MGMT: variants seen among roughly 807,000 people sequenced by gnomAD.
MGMT encodes methylated-DNA--protein-cysteine methyltransferase.
In MGMT, 14 loss-of-function variants were observed where a neutral mutation model predicts 15.9. The ratio of observed to expected loss-of-function variants is 0.88; its 90% confidence interval spans 0.58 to 1.37. The LOEUF is 1.37. Ranked by LOEUF, MGMT falls within the 40% of genes most tolerant of loss-of-function variation. The probability of loss-of-function intolerance (pLI) is 0.00; values close to 1 mark genes in which losing one functional copy is unlikely to be tolerated. For missense variants in MGMT, 282 were observed against 268.1 expected, an observed-to-expected ratio of 1.05 and a Z score of -0.36; for synonymous variants, 130 against 118.2, an observed-to-expected ratio of 1.10 and a Z score of -0.65.
intron 1 of MGMT, among the ~76,000 whole-genome samples, chr10:129,482,318 G>T (rs1845367064): frequency 6.6e-6 from 1 of 152,158 alleles, no homozygotes; most frequent in Admixed American, 6.5e-5. Flanking sequence ...TAGATTTGTT[G>T]AGAGTTGTTT....
intron 2 of MGMT, chr10:129,694,231 AG>A (rs1179411735): frequency 2.0e-5 from 3 of 152,264 alleles, no homozygotes; most frequent in Non-Finnish European, 4.4e-5. Flanking sequence ...GGTGAAATCA[AG>A]GCATAGGGCT....
intron 2 of MGMT, among the ~76,000 whole-genome samples, chr10:129,692,864 C>A (rs561882330): frequency 9.8e-4 from 150 of 152,338 alleles, no homozygotes; most frequent in African/African-American, 3.5e-3. Context: ...GAGCTGCCAC[C>A]CTCAGCTGCA....
rs780727772 is a variant in MGMT, at chr10:129,566,307, A to C, written c.125+29930A>C. On this transcript the variant is annotated intron_variant, in intron 2 of 4. Coordinates refer to ENST00000651593, the MANE Select transcript of MGMT (RefSeq NM_002412.5). The surrounding 1 kb of genome is among the most constrained non-coding windows in gnomAD (Gnocchi z 4.1). ...TGGGCAGAGGTGAGGCAGAGCTCTG[A>C]CTGTTTCATTCGACTACGTTGCCAA... Among the ~76,000 whole-genome samples the C allele has an allele frequency of 2.7e-4, 41 of 152,148 alleles. No individual in the cohort carries two copies. Among genetic ancestry groups the C allele is most frequent in the Non-Finnish European group, 4.4e-4 (30 of 68,024 alleles).
At chr10:129,688,039 A>G (rs1482837674) in intron 2 of MGMT, among the ~76,000 whole-genome samples, 6 of 152,148 alleles carry the variant, frequency 3.9e-5, no homozygotes. Flanking sequence ...ATCATTTTTT[A>G]TGGCTGCATA....
Position 129,703,822 on chromosome 10 carries a change from A to G in MGMT, c.126-4073A>G, listed in dbSNP as rs2133137848. 3.3e-5 allele frequency among the ~76,000 whole-genome samples: 5 copies of G among 152,236 alleles called. No homozygotes were observed. In the Middle Eastern group the frequency reaches 0.017, roughly 518 times the overall value. ...TCCTGTCCCATCCCTCGAACCCTGA[A>G]GGAGATGTCAGCTGAGCTCTTGCTG... On this transcript the variant is annotated intron_variant, in intron 2 of 4. Coordinates refer to ENST00000651593, the MANE Select transcript of MGMT (RefSeq NM_002412.5).
intron 1 of MGMT, among the ~76,000 whole-genome samples, chr10:129,515,613 G>T (rs1589844495): frequency 6.6e-6 from 1 of 152,346 alleles, no homozygotes; most frequent in East Asian, 1.9e-4. Flanking sequence ...GGCAGTTTCT[G>T]CCTGCAGATT....
At chr10:129,679,429 G>A (rs12255679) in intron 2 of MGMT, among the ~76,000 whole-genome samples, 22,885 of 152,024 alleles carry the variant, frequency 0.15, 1,833 homozygotes, top group East Asian at 0.28. Context: ...ACCAAAGAGC[G>A]TTTTTTTCAC....
chr10:129,739,349 G>C (rs965767424), intron 3 of MGMT, among the ~76,000 whole-genome samples: 2 of 152,216 alleles, frequency 1.3e-5, no homozygotes, highest in Admixed American at 6.5e-5. Context: ...ATTAGGAAAA[G>C]AGGAAGTCAG....
chr10:129,658,134 T>C (rs535793428), intron 2 of MGMT, among the ~76,000 whole-genome samples: 1 of 152,068 alleles, frequency 6.6e-6, no homozygotes, highest in Non-Finnish European at 1.5e-5. Flanking sequence ...TGGAGTTTTT[T>C]CCCCCTTCTA....
At chr10:129,523,787 G>T (rs10829600) in intron 1 of MGMT, among the ~76,000 whole-genome samples, 1 of 152,010 alleles carries the variant, frequency 6.6e-6, no homozygotes, top group Admixed American at 6.5e-5. Context: ...AGCAGAGGGT[G>T]CCATGGTATT....
At position 129,513,755 on chromosome 10, in the gene MGMT, C is replaced by T. The variant is rs373531338; in HGVS notation, c.-12-22486C>T. Among the ~76,000 whole-genome samples the T allele has an allele frequency of 3.3e-3, 500 of 152,316 alleles. 1 individual carries two copies. Among genetic ancestry groups the T allele is most frequent in the African/African-American group, 0.011 (475 of 41,564 alleles). On this transcript the variant is annotated intron_variant, in intron 1 of 4. Coordinates refer to ENST00000651593, the MANE Select transcript of MGMT (RefSeq NM_002412.5). ...ATGATGCAGTGAGTTTTATCACACTCTTGCTGTGACCTTCATGAGGATGTT... is the reference window on the plus strand; with the variant it reads ...ATGATGCAGTGAGTTTTATCACACTTTTGCTGTGACCTTCATGAGGATGTT...
At chr10:129,574,523 A>G (rs966257519) in intron 2 of MGMT, among the ~76,000 whole-genome samples, 2 of 152,232 alleles carry the variant, frequency 1.3e-5, no homozygotes, top group Non-Finnish European at 2.9e-5. Flanking sequence ...ATCTTTAAAT[A>G]TAGGTACATA....
At chr10:129,471,814 A>G (rs1845234589) in intron 1 of MGMT, among the ~76,000 whole-genome samples, 1 of 152,168 alleles carries the variant, frequency 6.6e-6, no homozygotes, top group Non-Finnish European at 1.5e-5. Flanking sequence ...CAGCCCAGGC[A>G]AGATCCGAGT....
At chr10:129,651,266 C>T (rs1490988187) in intron 2 of MGMT, among the ~76,000 whole-genome samples, 1 of 152,148 alleles carries the variant, frequency 6.6e-6, no homozygotes, top group Non-Finnish European at 1.5e-5. Flanking sequence ...TTCTCCAGTA[C>T]CTGCAGCACC....
At chr10:129,524,224 C>T (rs1458516887) in intron 1 of MGMT, among the ~76,000 whole-genome samples, 4 of 152,216 alleles carry the variant, frequency 2.6e-5, no homozygotes, top group Non-Finnish European at 5.9e-5. Context: ...CCCTCAAGGA[C>T]GATTGGCATC....
intron 3 of MGMT, among the ~76,000 whole-genome samples, chr10:129,710,258 C>G (rs1029104213): frequency 6.6e-6 from 1 of 152,236 alleles, no homozygotes; most frequent in African/African-American, 2.4e-5. Context: ...CTTGGAAAGC[C>G]CTACAGTGCG....
At chr10:129,629,032 C>T (rs1358638739) in intron 2 of MGMT, among the ~76,000 whole-genome samples, 1 of 152,240 alleles carries the variant, frequency 6.6e-6, no homozygotes, top group Admixed American at 6.5e-5. Context: ...TCCTGCAGCA[C>T]ACAGCACACG....
chr10:129,634,064 GC>G (rs1006121895), intron 2 of MGMT, among the ~76,000 whole-genome samples: 5 of 152,060 alleles, frequency 3.3e-5, no homozygotes, highest in African/African-American at 1.2e-4. Flanking sequence ...GTTTTTTAGT[GC>G]CCAAAATGTC....
Position 129,766,972 on chromosome 10 carries a change from G to T in MGMT, c.599G>T (p.Gly200Val). 6.2e-7 allele frequency: 1 copy of T among 1,606,010 alleles called. No individual in the cohort carries two copies. The highest frequency in any genetic ancestry group is 8.5e-7 in the Non-Finnish European group (1 of 1,176,002). ...CTCAAGGGAGCGGGAGCTACCTCGG[G>T]CTCCCCGCCTGCTGGCCGAAACTGA... ...AWLKGAGATS[G>V]SPPAGRN is the part of the protein sequence containing the mutation. The change falls in exon 5 of 5, where the codon GGC becomes GTC. Residue 200 changes from glycine to valine, a missense_variant. Gly to Val is a moderately radical substitution (Grantham distance 109, BLOSUM62 -3). Coordinates refer to ENST00000651593, the MANE Select transcript of MGMT (RefSeq NM_002412.5).
Sources: allele counts gnomAD v4.1 joint callset (sites outside exome capture counted in the v4.1 genomes callset), GRCh38; gene constraint gnomAD v4.1.1; non-coding constraint Gnocchi (gnomAD v3.1); transcripts MANE v1.5; gene names NCBI Gene and HGNC (gene_info 2026-07-23, HGNC 2026-07-21).